Variants in PER2 observed in about 807,000 individuals in gnomAD.
PER2 encodes the protein period circadian regulator 2, also known as period circadian protein homolog 2.
PER2 carries 66 observed loss-of-function variants against 121.0 expected under a neutral mutation model. The ratio of observed to expected loss-of-function variants is 0.55; its 90% CI spans 0.45 to 0.67. The LOEUF (loss-of-function observed/expected upper bound fraction) is 0.67. Among genes scored for constraint, PER2 ranks in the 30% least tolerant of loss-of-function variants. The pLI, the probability that PER2 is intolerant of heterozygous loss-of-function variation, is 0.00. For missense variants in PER2, 1,521 were observed against 1,635.0 expected, an observed-to-expected ratio of 0.93 and a Z score of 1.20; for synonymous variants, 684 against 659.9, an observed-to-expected ratio of 1.04 and a Z score of -0.56.
At chr2:238,278,016 C>T in intron 1 of PER2, 61 bp from the exon 2 acceptor site, 2 of 1,557,348 alleles carry the variant, frequency 1.3e-6, no homozygotes, top group South Asian at 1.2e-5. Flanking sequence ...GCGCTGCAGC[C>T]ATCAGGTAGA....
rs780990266 is a variant in PER2, at chr2:238,258,568, G to A, written c.1704C>T (p.Pro568=). 1.3e-5 allele frequency: 21 copies of A among 1,613,990 alleles called. No individual in the cohort carries two copies. The highest frequency in any genetic ancestry group is 4.5e-5 in the East Asian group (2 of 44,896). ...MEKDSLGVSF[P]EELACKNQPT... is the part of the protein sequence containing the mutation. ...GCTGGTTCTTGCAGGCCAACTCCTC[G>A]GGGAAGCTGACCCCCAGGCTGTCCT... The change falls in exon 15 of 23, where the codon CCC becomes CCT. Residue 568 remains proline, a synonymous_variant. Transcript: ENST00000254657.
upstream of PER2, among the ~76,000 whole-genome samples, chr2:238,294,705 G>T (rs1238856206): frequency 1.3e-5 from 2 of 152,186 alleles, no homozygotes; most frequent in Non-Finnish European, 2.9e-5. Flanking sequence ...AACCACCTTT[G>T]TCTGCAGAAA....
chr2:238,255,479 C>CA, intron 18 of PER2, 178 bp downstream of exon 18: 2 of 677,690 alleles, frequency 3.0e-6, no homozygotes, highest in South Asian at 1.7e-5. Flanking sequence ...CCCGAGAGCA[C>CA]CCCCCCGGTG....
chr2:238,281,014 T>C (rs1159491122), intron 1 of PER2, among the ~76,000 whole-genome samples: 1 of 151,936 alleles, frequency 6.6e-6, no homozygotes, highest in African/African-American at 2.4e-5. Flanking sequence ...CACTTTTTTT[T>C]TTTTTTTTGA....
intron 5 of PER2, among the ~76,000 whole-genome samples, chr2:238,272,408 C>G (rs1188784025): frequency 6.6e-6 from 1 of 152,242 alleles, no homozygotes; most frequent in Non-Finnish European, 1.5e-5. Flanking sequence ...TTGGGCCCCT[C>G]CAGCCCACCA....
chr2:238,253,027 G>T lies in PER2; in HGVS notation c.2996C>A (p.Ala999Asp). The change falls in exon 19 of 23, where the codon GCC becomes GAC. Residue 999 changes from alanine (A) to aspartate (D), a missense_variant. Coordinates refer to ENST00000254657, the MANE Select transcript of PER2 (RefSeq NM_022817.3). The surrounding 1 kb of genome is among the most constrained non-coding windows in gnomAD (Gnocchi z 5.6). ...LQLNLLQLEE[A>D]PEGGTGAMGT... ...CATGGCTCCAGTGCCACCCTCAGGG[G>T]CTTCCTCCAGCTGCAGCAGGTTGAG... The T allele has an allele frequency of 6.2e-7, 1 of 1,613,904 alleles. No individual in the cohort carries two copies. Among genetic ancestry groups the T allele is most frequent in the African/African-American group, 1.3e-5 (1 of 75,066 alleles).
chr2:238,250,709 A>G lies in PER2; in HGVS notation c.3309T>C (p.Phe1103=). 6.2e-7 allele frequency: 1 copy of G among 1,613,972 alleles called. No homozygotes were observed. The highest frequency in any genetic ancestry group is 8.5e-7 in the Non-Finnish European group (1 of 1,179,802). ...TATTCTCTGAGGAGTCAATGCTTCCAAAATATTTGCTGGTATGACTTGTGT... is the reference window on the plus strand; with the variant it reads ...TATTCTCTGAGGAGTCAATGCTTCCGAAATATTTGCTGGTATGACTTGTGT... ...SSDTSHTSKY[F]GSIDSSENNH... Residue 1103 remains phenylalanine (F), a synonymous_variant, in exon 21 of 23, where the codon TTT becomes TTC. Transcript: ENST00000254657.
chr2:238,255,180 A>C (rs1017935727), intron 18 of PER2: 3 of 239,846 alleles, frequency 1.3e-5, no homozygotes, highest in Non-Finnish European at 2.5e-5. Context: ...ACTCTGCCTG[A>C]CTCTGGAGTC....
chr2:238,265,794 C>T, intron 8 of PER2, among the ~76,000 whole-genome samples: 1 of 152,220 alleles, frequency 6.6e-6, no homozygotes, highest in South Asian at 2.1e-4. Flanking sequence ...TTCTTAGCTT[C>T]TTTATATGCT....
intron 1 of PER2, among the ~76,000 whole-genome samples, chr2:238,281,401 T>G (rs997151750): frequency 6.6e-6 from 1 of 152,214 alleles, no homozygotes; most frequent in Non-Finnish European, 1.5e-5. Flanking sequence ...GCTGGTTTTA[T>G]CAACATCCTG....
Position 238,258,393 on chromosome 2 carries a change from C to G in PER2, c.1783G>C (p.Glu595Gln), listed in dbSNP as rs764675469. 4.6e-5 allele frequency: 75 copies of G among 1,614,042 alleles called. No individual in the cohort carries two copies. The highest frequency in any genetic ancestry group is 1.1e-5 in the Non-Finnish European group (13 of 1,180,038). Residue 595 changes from glutamate to glutamine, a missense_variant, in exon 16 of 23, where the codon GAG becomes CAG. Physicochemically the swap from Glu to Gln is conservative, Grantham distance 29. Coordinates refer to ENST00000254657, the MANE Select transcript of PER2 (RefSeq NM_022817.3). ...SCLDSVIRYL[E>Q]SCNEAATLKR... Reference sequence around the variant, plus strand: ...AGGGTGGCAGCCTCATTGCAGCTCTCCAAGTACCTGTGTGAAAGGCATGAA... The same window carrying G: ...AGGGTGGCAGCCTCATTGCAGCTCTGCAAGTACCTGTGTGAAAGGCATGAA...
Position 238,244,879 on chromosome 2 carries a change from C to G in PER2, c.*1496G>C, listed in dbSNP as rs988266337. 1 of 151,806 alleles carries G rather than the reference C, an allele frequency of 6.6e-6. No homozygotes were observed. Among genetic ancestry groups the G allele is most frequent in the Non-Finnish European group, 1.5e-5 (1 of 67,974 alleles). The allele number at this position is 151,806 out of a possible 1,614,324, so 9.4% of individuals were successfully genotyped here. ...TGGCCAACATGGTGAAACCCTGTCTCTACTAAAAATACAAAAAATTAGCTG... is the reference window on the plus strand; with the variant it reads ...TGGCCAACATGGTGAAACCCTGTCTGTACTAAAAATACAAAAAATTAGCTG... On this transcript the variant is annotated 3_prime_UTR_variant, in exon 23 of 23. Coordinates refer to ENST00000254657, the MANE Select transcript of PER2 (RefSeq NM_022817.3).
In PER2 at chr2:238,246,294, A is replaced by C. The variant is rs761718970; in HGVS notation, c.*81T>G. On this transcript the variant is annotated 3_prime_UTR_variant, in exon 23 of 23. Coordinates refer to ENST00000254657, the MANE Select transcript of PER2 (RefSeq NM_022817.3). Reference sequence around the variant, plus strand: ...TGAGCATATGTGTCCATTTCAGTGGAAACAGCCATGAAGATCTTTCATCTC... The same window carrying C: ...TGAGCATATGTGTCCATTTCAGTGGCAACAGCCATGAAGATCTTTCATCTC... 23 of 1,067,898 alleles carry C rather than the reference A, an allele frequency of 2.2e-5. No individual in the cohort carries two copies. Among genetic ancestry groups the C allele is most frequent in the South Asian group, 3.4e-5 (2 of 59,628 alleles). 66.2% of individuals were successfully genotyped at this position (1,067,898 alleles called of 1,614,324 possible).
intron 1 of PER2, among the ~76,000 whole-genome samples, chr2:238,285,533 T>C (rs1197308827): frequency 6.6e-6 from 1 of 152,222 alleles, no homozygotes; most frequent in African/African-American, 2.4e-5. Flanking sequence ...GGTAAAGTCT[T>C]ACTGTACTCA....
rs188650923 is a variant in PER2 at position 238,274,321 on chromosome 2, C to T, written c.449-1130G>A. Among the ~76,000 whole-genome samples the T allele has an allele frequency of 4.0e-3, 611 of 152,286 alleles. 4 individuals are homozygous for T. The highest frequency in any genetic ancestry group is 0.024 in the Middle Eastern group (7 of 294). On this transcript the variant is annotated intron_variant, in intron 4 of 22. Coordinates refer to ENST00000254657, the MANE Select transcript of PER2 (RefSeq NM_022817.3). ...CTTGCCCTCAGGGCTCAACAGGCCC[C>T]GGACACATGAAACCTGGGGCTGCGT...
chr2:238,262,890 G>T, intron 10 of PER2, 62 bp downstream of exon 10: 2 of 1,150,280 alleles, frequency 1.7e-6, no homozygotes, highest in Non-Finnish European at 2.6e-6. Context: ...CCAAGAAGCA[G>T]CCCCAAGGAC....
intron 1 of PER2, among the ~76,000 whole-genome samples, chr2:238,287,865 C>T (rs1046152536): frequency 6.6e-5 from 10 of 152,226 alleles, no homozygotes; most frequent in Non-Finnish European, 1.5e-4. Context: ...TGGTCTATGT[C>T]TGGGACTTGG....
chr2:238,289,379 A>C (rs561924229), upstream of PER2: 1 of 152,146 alleles, frequency 6.6e-6, no homozygotes, highest in East Asian at 1.9e-4. Flanking sequence ...CTCCGGGGGC[A>C]CGCCCACCCG....
the PER2 span, among the ~76,000 whole-genome samples, chr2:238,295,135 C>T: frequency 1.3e-5 from 2 of 152,224 alleles, no homozygotes. Flanking sequence ...CTGCTGGCTT[C>T]TCCCTGGTGC....
Sources: allele counts gnomAD v4.1 joint callset (sites outside exome capture counted in the v4.1 genomes callset), GRCh38; gene constraint gnomAD v4.1.1; non-coding constraint Gnocchi (gnomAD v3.1); transcripts MANE v1.5; gene names NCBI Gene and HGNC (gene_info 2026-07-23, HGNC 2026-07-21).